OTUD7A: variants seen among roughly 807,000 people sequenced by gnomAD.
OTUD7A encodes the protein OTU deubiquitinase 7A.
In OTUD7A, 12 loss-of-function variants were observed where a neutral mutation model predicts 65.7. The ratio of observed to expected loss-of-function variants is 0.18; its 90% CI spans 0.12 to 0.30. The LOEUF (loss-of-function observed/expected upper bound fraction) is 0.30, where lower values mean the gene tolerates loss of function less well. Ranked by LOEUF, OTUD7A falls within the 10% of genes least tolerant of loss-of-function variation. The pLI is 1.00. For synonymous variants in OTUD7A, 641 were observed against 586.3 expected (o/e 1.09, Z -1.35); for missense variants, 1,148 against 1,304.8 (o/e 0.88, Z 1.85).
chr15:31,544,697 TAGG>T (rs1180459413), intron 5 of OTUD7A, among the ~76,000 whole-genome samples: 4 of 151,956 alleles, frequency 2.6e-5, no homozygotes, highest in Middle Eastern at 6.8e-3. Context: ...ACAATCATAG[TAGG>T]AGATCTTAAC....
chr15:31,862,628 G>A (rs1051922707), intron 1 of OTUD7A, among the ~76,000 whole-genome samples: 10 of 151,638 alleles, frequency 6.6e-5, no homozygotes, highest in African/African-American at 2.2e-4. Flanking sequence ...CACGAGAATA[G>A]AACAGGAAAG....
intron 3 of OTUD7A, among the ~76,000 whole-genome samples, chr15:31,606,057 C>T (rs1890230076): frequency 6.6e-6 from 1 of 152,226 alleles, no homozygotes; most frequent in Non-Finnish European, 1.5e-5. Flanking sequence ...AATTAAACAG[C>T]TAGATGACCT....
intron 1 of OTUD7A, among the ~76,000 whole-genome samples, chr15:31,743,283 T>C (rs1053724664): frequency 6.6e-6 from 1 of 152,110 alleles, no homozygotes; most frequent in Middle Eastern, 3.4e-3. Flanking sequence ...GGAATTAATC[T>C]GGCAATCATG....
intron 1 of OTUD7A, among the ~76,000 whole-genome samples, chr15:31,831,081 T>C (rs1896918423): frequency 6.6e-6 from 1 of 152,126 alleles, no homozygotes; most frequent in African/African-American, 2.4e-5. Flanking sequence ...TTTCAACAAA[T>C]GATGCTGAAA....
chr15:31,512,400 G>GT (rs2041769123), intron 8 of OTUD7A, among the ~76,000 whole-genome samples: 1 of 152,124 alleles, frequency 6.6e-6, no homozygotes, highest in Non-Finnish European at 1.5e-5. Flanking sequence ...TGTTTGAAAT[G>GT]TTTGTTTCCT....
chr15:31,774,370 T>G (rs1246912233), intron 1 of OTUD7A, among the ~76,000 whole-genome samples: 2 of 152,256 alleles, frequency 1.3e-5, no homozygotes, highest in African/African-American at 4.8e-5. Flanking sequence ...TCATGACGCT[T>G]TAGACTGCTT....
At chr15:31,737,004 TAG>T (rs1224460844) in intron 1 of OTUD7A, among the ~76,000 whole-genome samples, 1 of 152,134 alleles carries the variant, frequency 6.6e-6, no homozygotes, top group Non-Finnish European at 1.5e-5. Flanking sequence ...GTATTTTTAG[TAG>T]AGGCAGGGTT....
intron 1 of OTUD7A, among the ~76,000 whole-genome samples, chr15:31,745,721 G>A (rs1433710745): frequency 6.6e-6 from 1 of 152,068 alleles, no homozygotes; most frequent in African/African-American, 2.4e-5. Context: ...TCAACTCACT[G>A]AAAAGCATCA....
intron 1 of OTUD7A, among the ~76,000 whole-genome samples, chr15:31,819,916 T>C (rs1413221501): frequency 1.3e-5 from 2 of 152,152 alleles, no homozygotes; most frequent in Non-Finnish European, 2.9e-5. Context: ...ATGGAGTAGG[T>C]ATACAGGCAT....
At chr15:31,756,850 A>G (rs1448492952) in intron 1 of OTUD7A, among the ~76,000 whole-genome samples, 1 of 152,172 alleles carries the variant, frequency 6.6e-6, no homozygotes, top group Non-Finnish European at 1.5e-5. Flanking sequence ...ACTACTCAGC[A>G]TCCCTCTTGC....
intron 12 of OTUD7A, among the ~76,000 whole-genome samples, chr15:31,485,901 C>T (rs1332235990): frequency 6.6e-6 from 1 of 152,212 alleles, no homozygotes; most frequent in Non-Finnish European, 1.5e-5. Context: ...CCCTCACCAC[C>T]TCCCACTCTG....
intron 1 of OTUD7A, among the ~76,000 whole-genome samples, chr15:31,738,288 C>G (rs967258909): frequency 6.6e-6 from 1 of 152,048 alleles, no homozygotes; most frequent in Non-Finnish European, 1.5e-5. Flanking sequence ...ATGAGGACCT[C>G]TGTGGATCCC....
At chr15:31,787,349 A>C (rs1895701202) in intron 1 of OTUD7A, 1 of 152,242 alleles carries the variant, frequency 6.6e-6, no homozygotes, top group South Asian at 2.1e-4. Context: ...TACGAATTAT[A>C]AATTTTCCAA....
At chr15:31,656,596 A>G (rs1319566499) in intron 2 of OTUD7A, among the ~76,000 whole-genome samples, 5 of 152,178 alleles carry the variant, frequency 3.3e-5, no homozygotes, top group Non-Finnish European at 1.5e-5. Context: ...TTAATTTTAC[A>G]TATTGTGGGG....
intron 1 of OTUD7A, among the ~76,000 whole-genome samples, chr15:31,789,680 T>C (rs1196761478): frequency 6.7e-6 from 1 of 149,864 alleles, no homozygotes; most frequent in Non-Finnish European, 1.5e-5. Flanking sequence ...GGGGCAGAGG[T>C]AGAACTGTGG....
chr15:31,577,172 T>C (rs183574799), intron 3 of OTUD7A, among the ~76,000 whole-genome samples: 7 of 152,270 alleles, frequency 4.6e-5, no homozygotes, highest in Admixed American at 6.5e-5. Context: ...TGGGGGAAAT[T>C]TGCATCTGTA....
chr15:31,787,231 G>A (rs1017925319), intron 1 of OTUD7A, among the ~76,000 whole-genome samples: 1 of 152,208 alleles, frequency 6.6e-6, no homozygotes, highest in Non-Finnish European at 1.5e-5. Context: ...ATGGTTATAA[G>A]AAGCATGAAG....
At chr15:31,494,991 G>A (rs1460788615) in intron 10 of OTUD7A, among the ~76,000 whole-genome samples, 1 of 152,206 alleles carries the variant, frequency 6.6e-6, no homozygotes, top group Non-Finnish European at 1.5e-5. Context: ...GGGAATCAGG[G>A]GCGATGGTGG....
chr15:31,863,424 T>A (rs1019654678), intron 1 of OTUD7A, among the ~76,000 whole-genome samples: 1 of 152,196 alleles, frequency 6.6e-6, no homozygotes, highest in Non-Finnish European at 1.5e-5. Flanking sequence ...TACCTGGGCA[T>A]CCAGGCATTT....
Sources: allele counts gnomAD v4.1 joint callset (sites outside exome capture counted in the v4.1 genomes callset), GRCh38; gene constraint gnomAD v4.1.1; transcripts MANE v1.5; gene names NCBI Gene and HGNC (gene_info 2026-07-23, HGNC 2026-07-21).